The following DCC variants were observed in gnomAD, a reference collection of about 807,000 sequenced individuals.
The protein encoded by DCC is DCC netrin 1 receptor, also known as netrin receptor DCC.
A neutral mutation model predicts 172.5 loss-of-function variants in DCC; 58 were observed. The observed-to-expected ratio is 0.34, with a 90% CI of 0.27 to 0.42. DCC has a LOEUF of 0.42. Among genes scored for constraint, DCC ranks in the 10% least tolerant of loss-of-function variants. The pLI is 1.00. For missense variants in DCC, 1,740 were observed against 1,791.0 expected (o/e 0.97, Z 0.51); for synonymous variants, 709 against 644.5 (o/e 1.10, Z -1.52).
At chr18:52,776,418 A>G (rs1426104744) in intron 2 of DCC, among the ~76,000 whole-genome samples, 1 of 152,180 alleles carries the variant, frequency 6.6e-6, no homozygotes, top group African/African-American at 2.4e-5. Flanking sequence ...GGGTTCAAGG[A>G]ATACAGGAAG....
At chr18:52,593,769 C>T (rs1598940170) in intron 1 of DCC, among the ~76,000 whole-genome samples, 2 of 152,168 alleles carry the variant, frequency 1.3e-5, no homozygotes, top group Admixed American at 6.5e-5. Context: ...AGAGCAACAG[C>T]GCTCCTTTCC....
At chr18:53,047,235 GATATATATATATATATATAT>G (rs70944616) in intron 5 of DCC, among the ~76,000 whole-genome samples, 74 of 30,288 alleles carry the variant, frequency 2.4e-3, no homozygotes, top group East Asian at 0.011. Flanking sequence ...CTGCAGGTAG[GATATATATATATATATATAT>G]ATATATATAT....
At chr18:53,313,464 T>TG (rs1239740167) in intron 13 of DCC, among the ~76,000 whole-genome samples, 2 of 152,138 alleles carry the variant, frequency 1.3e-5, no homozygotes, top group Admixed American at 6.5e-5. Flanking sequence ...CAAGCTGGTC[T>TG]GGAACTCCCG....
At chr18:52,599,372 A>G (rs559434322) in intron 1 of DCC, among the ~76,000 whole-genome samples, 33 of 152,290 alleles carry the variant, frequency 2.2e-4, no homozygotes, top group African/African-American at 7.9e-4. Flanking sequence ...GGTCTTTGTC[A>G]TAACTATTCA....
At chr18:53,261,438 C>T (rs1377048535) in intron 12 of DCC, among the ~76,000 whole-genome samples, 1 of 152,124 alleles carries the variant, frequency 6.6e-6, no homozygotes, top group Non-Finnish European at 1.5e-5. Context: ...GGCCAGGGCT[C>T]AGTTTCAATA....
intron 16 of DCC, among the ~76,000 whole-genome samples, chr18:53,390,763 A>G (rs959019841): frequency 2.6e-5 from 4 of 152,192 alleles, no homozygotes; most frequent in Admixed American, 2.6e-4. Context: ...TTCCCATTAT[A>G]TTATGGATCA....
At chr18:52,553,124 G>C (rs1189365348) in intron 1 of DCC, among the ~76,000 whole-genome samples, 2 of 151,920 alleles carry the variant, frequency 1.3e-5, no homozygotes, top group Non-Finnish European at 2.9e-5. Context: ...TTGAGTTTAG[G>C]TTTTTAAAAT....
At chr18:52,776,327 T>C (rs1423501972) in intron 2 of DCC, among the ~76,000 whole-genome samples, 1 of 152,074 alleles carries the variant, frequency 6.6e-6, no homozygotes, top group Non-Finnish European at 1.5e-5. Context: ...TAATTTATTA[T>C]ATTTATAACT....
chr18:52,981,610 A>T (rs868737331), intron 5 of DCC, among the ~76,000 whole-genome samples: 4 of 152,146 alleles, frequency 2.6e-5, no homozygotes, highest in African/African-American at 9.7e-5. Context: ...CCAACAATAT[A>T]TATTTATTGA....
chr18:53,484,799 G>A (rs900126350), intron 25 of DCC, among the ~76,000 whole-genome samples: 3 of 152,000 alleles, frequency 2.0e-5, no homozygotes, highest in Non-Finnish European at 1.5e-5. Context: ...GAAATTTTAA[G>A]ATTTTTTTCT....
intron 7 of DCC, among the ~76,000 whole-genome samples, chr18:53,154,138 TA>T: frequency 6.6e-6 from 1 of 152,128 alleles, no homozygotes; most frequent in Non-Finnish European, 1.5e-5. Flanking sequence ...AGTAGGTAGA[TA>T]AATACCCCTA....
chr18:52,354,095 A>C (rs1984252037), intron 1 of DCC, among the ~76,000 whole-genome samples: 2 of 152,224 alleles, frequency 1.3e-5, no homozygotes, highest in Admixed American at 6.5e-5. Context: ...AGAAAGAGAA[A>C]GCATCATTGT....
At chr18:52,717,498 G>T (rs1277273846) in intron 1 of DCC, among the ~76,000 whole-genome samples, 1 of 141,064 alleles carries the variant, frequency 7.1e-6, no homozygotes, top group Non-Finnish European at 1.5e-5. Context: ...CCCCAGCCCA[G>T]TGTTCAGCCA....
At chr18:52,846,132 C>T (rs1476306597) in intron 2 of DCC, among the ~76,000 whole-genome samples, 1 of 152,182 alleles carries the variant, frequency 6.6e-6, no homozygotes, top group Non-Finnish European at 1.5e-5. Context: ...TTCCTCTACA[C>T]TATGAACTCC....
intron 5 of DCC, among the ~76,000 whole-genome samples, chr18:52,979,427 A>G (rs766698015): frequency 1.2e-4 from 18 of 152,138 alleles, no homozygotes; most frequent in Non-Finnish European, 2.2e-4. Context: ...TGCCCAGAGG[A>G]TGGGTTAGCC....
intron 5 of DCC, among the ~76,000 whole-genome samples, chr18:52,983,348 CT>C (rs1160805525): frequency 6.6e-6 from 1 of 152,160 alleles, no homozygotes; most frequent in African/African-American, 2.4e-5. Flanking sequence ...GACCAACATG[CT>C]AATATAAAAA....
At chr18:53,326,698 C>T (rs1289012846) in intron 14 of DCC, among the ~76,000 whole-genome samples, 1 of 152,100 alleles carries the variant, frequency 6.6e-6, no homozygotes, top group Non-Finnish European at 1.5e-5. Flanking sequence ...AAATGACTTG[C>T]ACCAAAAGTT....
intron 1 of DCC, among the ~76,000 whole-genome samples, chr18:52,503,027 G>T (rs2031091768): frequency 6.6e-6 from 1 of 152,178 alleles, no homozygotes; most frequent in African/African-American, 2.4e-5. Flanking sequence ...GTGCTGCTCA[G>T]AAGGGCCTAT....
rs60540565 is a variant in DCC at position 53,416,298 on chromosome 18, A to C, written c.3163+142A>C. On this transcript the variant is annotated intron_variant, in intron 21 of 28. Transcript: ENST00000442544. ...ACTGGCGTGACGATTAATCTTGTTAATGAAGTTCTGCTTGGCTGAGGCTGC... is the reference window on the plus strand; with the variant it reads ...ACTGGCGTGACGATTAATCTTGTTACTGAAGTTCTGCTTGGCTGAGGCTGC... 10,266 of 730,806 alleles carry C rather than the reference A, an allele frequency of 0.014. 648 individuals are homozygous for C. In the African/African-American group the frequency reaches 0.14, roughly 10 times the overall value. The allele number at this position is 730,806 out of a possible 1,614,324, so 45.3% of individuals were successfully genotyped here.
Sources: allele counts gnomAD v4.1 joint callset (sites outside exome capture counted in the v4.1 genomes callset), GRCh38; gene constraint gnomAD v4.1.1; transcripts MANE v1.5; gene names NCBI Gene and HGNC (gene_info 2026-07-23, HGNC 2026-07-21).